MRTFB: variants seen among roughly 807,000 people sequenced by gnomAD.
MRTFB encodes the protein myocardin-related transcription factor B.
A neutral mutation model predicts 104.2 loss-of-function variants in MRTFB; 29 were observed. The ratio of observed to expected loss-of-function variants is 0.28; its 90% CI spans 0.21 to 0.38. MRTFB has a LOEUF of 0.38. MRTFB is among the 10% of genes least tolerant of loss of function. The pLI, the probability that MRTFB is intolerant of heterozygous loss-of-function variation, is 1.00. For synonymous variants in MRTFB, 535 were observed against 519.5 expected, an observed-to-expected ratio of 1.03 and a Z score of -0.41; for missense variants, 1,270 against 1,341.6, an observed-to-expected ratio of 0.95 and a Z score of 0.83.
At chr16:14,217,320 G>C in intron 7 of MRTFB, 33 bp downstream of exon 7, 1 of 1,551,168 alleles carries the variant, frequency 6.4e-7, no homozygotes, top group Non-Finnish European at 8.7e-7. Flanking sequence ...TTTGGGGTGA[G>C]AAAGAGAAAC....
intron 2 of MRTFB, among the ~76,000 whole-genome samples, chr16:14,127,911 ATATATATATATATATATATTTTTTTTTT>A (rs1181824032): frequency 1.1e-4 from 6 of 53,592 alleles, no homozygotes; most frequent in South Asian, 4.3e-4. Flanking sequence ...ATATATATAT[ATATATATATATATATATATTTTTTTTTT>A]TTTTTTTTTT....
At position 14,240,380 on chromosome 16, in the gene MRTFB, C is replaced by G. The variant is rs1381102787; in HGVS notation, c.975C>G (p.Asn325Lys). 1 of 1,614,194 alleles carries G rather than the reference C, an allele frequency of 6.2e-7. No homozygotes were observed. The highest frequency in any genetic ancestry group is 8.5e-7 in the Non-Finnish European group (1 of 1,180,028). Residue 325 changes from asparagine to lysine, a missense_variant, in exon 10 of 17, where the codon AAC becomes AAG. Around this residue, in one of 3 missense-constraint regions of MRTFB, gnomAD observed 1,144 missense variants for 1,131.5 expected, o/e 1.01. Transcript: ENST00000571589. The part of the protein sequence containing the change: ...GEKNEPQMDS[N>K]YARLLQQQQL... ...AGAATGAGCCGCAGATGGACTCTAA[C>G]TACGCCCGCCTGCTCCAGCAGCAGC...
the MRTFB span, among the ~76,000 whole-genome samples, chr16:14,062,196 G>T: frequency 6.6e-6 from 1 of 152,088 alleles, no homozygotes; most frequent in South Asian, 2.1e-4. Context: ...AGACTCAAGC[G>T]ATCTTCCTGC....
At chr16:14,135,957 T>C (rs935698855) in intron 2 of MRTFB, among the ~76,000 whole-genome samples, 2 of 152,132 alleles carry the variant, frequency 1.3e-5, no homozygotes, top group African/African-American at 4.8e-5. Context: ...CCAATACAAT[T>C]AGACATTTAA....
the MRTFB span, among the ~76,000 whole-genome samples, chr16:14,021,861 A>G: frequency 3.9e-5 from 6 of 152,354 alleles, no homozygotes; most frequent in South Asian, 1.2e-3. Context: ...TGCAGTTGCG[A>G]ATCGTGCTGC....
At chr16:14,082,669 A>G (rs2034478729) in intron 2 of MRTFB, among the ~76,000 whole-genome samples, 1 of 152,054 alleles carries the variant, frequency 6.6e-6, no homozygotes, top group African/African-American at 2.4e-5. Context: ...AGTTCCAGTT[A>G]CTCAGGAGGC....
chr16:14,067,038 C>T (rs1019547252), upstream of MRTFB, among the ~76,000 whole-genome samples: 2 of 152,026 alleles, frequency 1.3e-5, no homozygotes, highest in African/African-American at 4.8e-5. Context: ...TATGCCCACC[C>T]CTTCCCCATG....
chr16:14,077,727 G>A (rs767382666), intron 1 of MRTFB, among the ~76,000 whole-genome samples: 3 of 152,092 alleles, frequency 2.0e-5, no homozygotes, highest in Non-Finnish European at 2.9e-5. Context: ...AAGAGAAAAC[G>A]TGTGAAACTC....
chr16:14,029,825 G>A, the MRTFB span, among the ~76,000 whole-genome samples: 1 of 152,156 alleles, frequency 6.6e-6, no homozygotes, highest in Non-Finnish European at 1.5e-5. Flanking sequence ...GTTCCCATGG[G>A]CAGCATCCTC....
At chr16:14,202,427 A>G (rs1283069928) in intron 3 of MRTFB, among the ~76,000 whole-genome samples, 1 of 152,230 alleles carries the variant, frequency 6.6e-6, no homozygotes, top group East Asian at 1.9e-4. Context: ...TCTTAAATCA[A>G]GATACTAACA....
intron 2 of MRTFB, among the ~76,000 whole-genome samples, chr16:14,115,795 G>A (rs149213272): frequency 6.6e-6 from 1 of 152,254 alleles, no homozygotes; most frequent in East Asian, 1.9e-4. Flanking sequence ...TTAGACTTTT[G>A]GGTCTTTGGA....
chr16:14,008,944 G>GTATTTATTTATTTATTTATT, the MRTFB span, among the ~76,000 whole-genome samples: 124 of 149,756 alleles, frequency 8.3e-4, no homozygotes, highest in Middle Eastern at 3.5e-3. Context: ...AAAATTTTAT[G>GTATTTATTTATTTATTTATT]TATTTATTTA....
At chr16:14,072,068 T>A (rs2033736572) in intron 1 of MRTFB, among the ~76,000 whole-genome samples, 1 of 152,080 alleles carries the variant, frequency 6.6e-6, no homozygotes, top group African/African-American at 2.4e-5. Flanking sequence ...TCAGGCCCAA[T>A]GAAGTGGAAT....
intron 15 of MRTFB, among the ~76,000 whole-genome samples, chr16:14,253,066 T>G (rs1423128666): frequency 6.6e-6 from 1 of 152,182 alleles, no homozygotes; most frequent in Non-Finnish European, 1.5e-5. Flanking sequence ...GGTGACCATG[T>G]GGCCTCTGAG....
intron 1 of MRTFB, among the ~76,000 whole-genome samples, chr16:14,078,867 A>G (rs564049770): frequency 7.2e-5 from 11 of 152,312 alleles, no homozygotes; most frequent in Admixed American, 2.6e-4. Context: ...AGAGTCCCCA[A>G]TGTGGATTAT....
At chr16:14,176,456 C>T (rs2039587233) in intron 3 of MRTFB, among the ~76,000 whole-genome samples, 1 of 152,116 alleles carries the variant, frequency 6.6e-6, no homozygotes, top group African/African-American at 2.4e-5. Flanking sequence ...AGAATTAAAC[C>T]CTACAAATGT....
At chr16:14,025,371 C>T in the MRTFB span, among the ~76,000 whole-genome samples, 1 of 152,114 alleles carries the variant, frequency 6.6e-6, no homozygotes, top group Non-Finnish European at 1.5e-5. Context: ...TTTTGTAGAG[C>T]TGGGGTCTTC....
At chr16:14,135,411 T>A (rs775360992) in intron 2 of MRTFB, among the ~76,000 whole-genome samples, 10 of 152,248 alleles carry the variant, frequency 6.6e-5, no homozygotes, top group African/African-American at 9.6e-5. Flanking sequence ...TGTGTTACAG[T>A]CACCTGTAAC....
chr16:14,148,451 A>C (rs1396047069), intron 3 of MRTFB, among the ~76,000 whole-genome samples: 1 of 152,178 alleles, frequency 6.6e-6, no homozygotes, highest in Admixed American at 6.5e-5. Context: ...TTTCTTTGTT[A>C]CTTAGCTTGT....
Sources: gnomAD v4.1 joint callset for allele counts (sites outside exome capture counted in the v4.1 genomes callset) on GRCh38, gnomAD v4.1.1 for gene constraint, gnomAD v4.1.1 regional missense constraint, MANE v1.5 for transcripts, NCBI Gene and HGNC (gene_info 2026-07-23, HGNC 2026-07-21) for gene names.